Variants in ERBB4 observed in about 807,000 individuals in gnomAD.
The protein encoded by ERBB4 is receptor tyrosine-protein kinase erbB-4.
In ERBB4, 42 loss-of-function variants were observed where a neutral mutation model predicts 158.0. The ratio of observed to expected loss-of-function variants is 0.27; its 90% CI spans 0.21 to 0.34. ERBB4 has a LOEUF of 0.34. Among genes scored for constraint, ERBB4 ranks in the 10% least tolerant of loss-of-function variants. The pLI is 1.00. For synonymous variants in ERBB4, 583 were observed against 558.7 expected, an observed-to-expected ratio of 1.04 and a Z score of -0.61; for missense variants, 1,333 against 1,624.1, an observed-to-expected ratio of 0.82 and a Z score of 3.08.
chr2:212,188,215 TCTCTCTCTCTCTCTCTCTCC>T (rs1352851119), intron 1 of ERBB4, among the ~76,000 whole-genome samples: 334 of 32,326 alleles, frequency 0.01, 8 homozygotes, highest in Middle Eastern at 0.042. Flanking sequence ...TCTCTCTCTC[TCTCTCTCTCTCTCTCTCTCC>T]CCCCCCCTCT....
At chr2:212,027,920 G>A (rs964590723) in intron 2 of ERBB4, among the ~76,000 whole-genome samples, 1 of 151,888 alleles carries the variant, frequency 6.6e-6, no homozygotes, top group Non-Finnish European at 1.5e-5. Context: ...ATAGTATTTT[G>A]AGAGCAGAAA....
Position 211,430,800 on chromosome 2 carries a change from G to A in ERBB4, c.2643+145C>T, listed in dbSNP as rs530473732. The stretch of plus-strand genomic sequence containing the variant: ...TATACACACACATATATATATACCC[G>A]GGGCAGGAGAAGAGGCAAATGGTAG... On this transcript the variant is annotated intron_variant, in intron 21 of 27. Transcript: ENST00000342788. The A allele has an allele frequency of 5.3e-4, 369 of 696,158 alleles. 2 individuals are homozygous for A. The highest frequency in any genetic ancestry group is 4.9e-3 in the African/African-American group (271 of 55,628). The allele number at this position is 696,158 out of a possible 1,614,324, so 43.1% of individuals were successfully genotyped here.
At chr2:212,113,157 A>G (rs2079466020) in intron 2 of ERBB4, among the ~76,000 whole-genome samples, 1 of 152,182 alleles carries the variant, frequency 6.6e-6, no homozygotes, top group Non-Finnish European at 1.5e-5. Flanking sequence ...AGGGGAATAG[A>G]GATAGCTTAT....
intron 20 of ERBB4, among the ~76,000 whole-genome samples, chr2:211,468,897 A>G (rs540036020): frequency 1.3e-4 from 19 of 142,372 alleles, no homozygotes; most frequent in Middle Eastern, 7.4e-3. Flanking sequence ...CAAAATATAT[A>G]TGTATATTTT....
intron 1 of ERBB4, among the ~76,000 whole-genome samples, chr2:212,449,500 C>T (rs998415364): frequency 6.6e-6 from 1 of 152,034 alleles, no homozygotes; most frequent in Non-Finnish European, 1.5e-5. Flanking sequence ...TATTTAATTA[C>T]GTATAGCTTT....
chr2:211,422,731 T>A (rs1281937507), intron 23 of ERBB4, among the ~76,000 whole-genome samples: 1 of 151,928 alleles, frequency 6.6e-6, no homozygotes, highest in Non-Finnish European at 1.5e-5. Context: ...CAAATTATCC[T>A]CTTCTTAGGT....
chr2:212,195,497 T>C (rs1381942464), intron 1 of ERBB4, among the ~76,000 whole-genome samples: 3 of 152,134 alleles, frequency 2.0e-5, no homozygotes, highest in Admixed American at 6.6e-5. Context: ...AAATAAAATA[T>C]GCACACCTTT....
At chr2:211,613,049 G>A (rs939160012) in intron 19 of ERBB4, among the ~76,000 whole-genome samples, 2 of 152,108 alleles carry the variant, frequency 1.3e-5, no homozygotes, top group African/African-American at 4.8e-5. Flanking sequence ...TGCTAGACTT[G>A]GGACGTCCCT....
intron 1 of ERBB4, among the ~76,000 whole-genome samples, chr2:212,372,937 T>C (rs1004401594): frequency 2.0e-5 from 3 of 152,004 alleles, no homozygotes; most frequent in African/African-American, 7.2e-5. Flanking sequence ...AAACTATACA[T>C]AACAGGGAAA....
rs140483288 is a variant in ERBB4, at chr2:211,460,104, G to GAACTGGGACTTTCCTGAATTCCAGGAAT, written c.2488-29005_2488-29004insATTCCTGGAATTCAGGAAAGTCCCAGTT. Among the ~76,000 whole-genome samples the GAACTGGGACTTTCCTGAATTCCAGGAAT allele has an allele frequency of 2.6e-5, 4 of 151,866 alleles. No homozygotes were observed. The South Asian group carries it at 8.3e-4, about 32-fold the overall frequency. On this transcript the variant is annotated intron_variant, in intron 20 of 27. Coordinates refer to ENST00000342788, the MANE Select transcript of ERBB4 (RefSeq NM_005235.3). ...TCATGACCTCCTTACCCAATTCCAG[G>GAACTGGGACTTTCCTGAATTCCAGGAAT]TCAGACTTTCAGGAATGCTTTAAAA...
chr2:211,709,250 T>TAC (rs72438406), intron 9 of ERBB4, among the ~76,000 whole-genome samples: 250 of 124,280 alleles, frequency 2.0e-3, no homozygotes, highest in African/African-American at 2.7e-3. Context: ...TATATATATA[T>TAC]ACACATATAT....
intron 1 of ERBB4, among the ~76,000 whole-genome samples, chr2:212,354,949 G>C (rs2106349029): frequency 6.6e-6 from 1 of 152,026 alleles, no homozygotes; most frequent in Middle Eastern, 3.4e-3. Context: ...GTGCTACAAT[G>C]TTAAATAAGG....
chr2:212,185,304 G>C (rs1382111246), intron 1 of ERBB4, among the ~76,000 whole-genome samples: 1 of 151,342 alleles, frequency 6.6e-6, no homozygotes, highest in Non-Finnish European at 1.5e-5. Flanking sequence ...TTAGAGGTGT[G>C]AACCACCACA....
chr2:212,447,088 C>A (rs1292493644), intron 1 of ERBB4, among the ~76,000 whole-genome samples: 2 of 151,616 alleles, frequency 1.3e-5, no homozygotes, highest in Admixed American at 1.3e-4. Context: ...GCTCCGCCTC[C>A]TAGGTTCACG....
intron 1 of ERBB4, among the ~76,000 whole-genome samples, chr2:212,128,151 G>A (rs1482352321): frequency 6.6e-6 from 1 of 152,136 alleles, no homozygotes; most frequent in South Asian, 2.1e-4. Flanking sequence ...TTGCCTTTGA[G>A]AATGCAGATT....
At chr2:211,754,407 C>CTTTTTTTTTTT (rs59474280) in intron 4 of ERBB4, among the ~76,000 whole-genome samples, 1 of 138,044 alleles carries the variant, frequency 7.2e-6, no homozygotes, top group Non-Finnish European at 1.6e-5. Context: ...GCAATAATCC[C>CTTTTTTTTTTT]TTTTTTTTTT....
At chr2:212,281,674 G>A (rs2085764315) in intron 1 of ERBB4, among the ~76,000 whole-genome samples, 1 of 151,770 alleles carries the variant, frequency 6.6e-6, no homozygotes, top group Non-Finnish European at 1.5e-5. Flanking sequence ...TGCATTGAAA[G>A]CCTTGAAGTC....
chr2:211,898,344 T>C (rs1030903915), intron 3 of ERBB4, among the ~76,000 whole-genome samples: 2 of 152,106 alleles, frequency 1.3e-5, no homozygotes, highest in African/African-American at 2.4e-5. Flanking sequence ...TGTTATTTCA[T>C]TGATATTTCT....
rs535855702 is a variant in ERBB4, at chr2:212,361,255, A to G, written c.82+177194T>C. ...TTATTCTGATCTGAGGCTTTCAGGA[A>G]GACTCTACATTATTTGAATCAAACC... On this transcript the variant is annotated intron_variant, in intron 1 of 27. Coordinates refer to ENST00000342788, the MANE Select transcript of ERBB4 (RefSeq NM_005235.3). 4.6e-5 allele frequency among the ~76,000 whole-genome samples: 7 copies of G among 151,684 alleles called. No individual in the cohort carries two copies. In the South Asian group the frequency reaches 1.5e-3, roughly 31 times the overall value.
Sources: allele counts gnomAD v4.1 joint callset (sites outside exome capture counted in the v4.1 genomes callset), GRCh38; gene constraint gnomAD v4.1.1; transcripts MANE v1.5; gene names NCBI Gene and HGNC (gene_info 2026-07-23, HGNC 2026-07-21).